The following LY96 variants were observed in gnomAD, a reference collection of about 807,000 sequenced individuals.
The protein encoded by LY96 is myeloid differentiation protein-2.
A neutral mutation model predicts 18.9 loss-of-function variants in LY96; 18 were observed. That is an observed-to-expected ratio of 0.95 (90% CI 0.66 to 1.41). The LOEUF is 1.41. LY96 is among the 40% of genes most tolerant of loss of function. LY96 has a pLI of 0.00. For missense variants in LY96, 175 were observed against 182.4 expected (o/e 0.96, Z 0.23); for synonymous variants, 66 against 62.6 (o/e 1.06, Z -0.26).
chr8:74,096,922 T>C, the LY96 span, among the ~76,000 whole-genome samples: 6 of 152,076 alleles, frequency 3.9e-5, no homozygotes, highest in Non-Finnish European at 7.4e-5. Flanking sequence ...TCCCTGGGGG[T>C]AGTTTCTGGG....
chr8:74,049,627 C>T, the LY96 span, among the ~76,000 whole-genome samples: 5 of 152,208 alleles, frequency 3.3e-5, no homozygotes, highest in Non-Finnish European at 7.3e-5. Flanking sequence ...CAGGGACTTG[C>T]TTGCTGAGGA....
At chr8:74,084,758 C>A in the LY96 span, among the ~76,000 whole-genome samples, 23 of 152,078 alleles carry the variant, frequency 1.5e-4, no homozygotes, top group Admixed American at 1.3e-4. Flanking sequence ...GGATTACAGG[C>A]GCCTGCCACC....
the LY96 span, among the ~76,000 whole-genome samples, chr8:74,062,514 C>A: frequency 6.6e-6 from 1 of 152,064 alleles, no homozygotes; most frequent in Non-Finnish European, 1.5e-5. Flanking sequence ...TTTGTTCCTG[C>A]ATTAGTTTGC....
At chr8:74,055,296 A>ATTAT in the LY96 span, among the ~76,000 whole-genome samples, 38 of 151,164 alleles carry the variant, frequency 2.5e-4, no homozygotes, top group Middle Eastern at 3.4e-3. Context: ...CTGTATGCTA[A>ATTAT]TTATTTATTT....
chr8:74,017,451 G>A (rs1816667973), intron 3 of LY96, among the ~76,000 whole-genome samples: 1 of 152,214 alleles, frequency 6.6e-6, no homozygotes. Flanking sequence ...GTGATGGTGA[G>A]AATGGAACCA....
At chr8:74,077,446 G>A in the LY96 span, among the ~76,000 whole-genome samples, 10 of 152,160 alleles carry the variant, frequency 6.6e-5, no homozygotes, top group Admixed American at 2.0e-4. Context: ...GTAAGATACC[G>A]TCCTTTGTGA....
At chr8:74,010,202 A>C in intron 3 of LY96, 73 bp downstream of exon 3, 1 of 1,404,408 alleles carries the variant, frequency 7.1e-7, no homozygotes, top group Non-Finnish European at 1.0e-6. Context: ...AATTAAATAC[A>C]TTGAAAATGG....
At chr8:74,066,749 G>C in the LY96 span, among the ~76,000 whole-genome samples, 1 of 152,158 alleles carries the variant, frequency 6.6e-6, no homozygotes, top group East Asian at 1.9e-4. Flanking sequence ...AGAGACTGGA[G>C]GCAGGTGGAC....
At chr8:74,034,979 T>C in the LY96 span, among the ~76,000 whole-genome samples, 1 of 152,196 alleles carries the variant, frequency 6.6e-6, no homozygotes, top group East Asian at 1.9e-4. Flanking sequence ...AGGAAGATAA[T>C]TACTGACAGG....
chr8:74,007,155 G>A (rs1008511069), intron 2 of LY96, among the ~76,000 whole-genome samples: 1 of 152,182 alleles, frequency 6.6e-6, no homozygotes, highest in African/African-American at 2.4e-5. Flanking sequence ...TGACAGGCGG[G>A]AGTAGCCTGG....
chr8:74,073,545 G>A, the LY96 span, among the ~76,000 whole-genome samples: 1 of 152,250 alleles, frequency 6.6e-6, no homozygotes, highest in Non-Finnish European at 1.5e-5. Context: ...AGACACTCAA[G>A]TGTAGGTTTA....
chr8:74,016,998 C>G (rs1363037319), intron 3 of LY96, among the ~76,000 whole-genome samples: 1 of 152,164 alleles, frequency 6.6e-6, no homozygotes, highest in Non-Finnish European at 1.5e-5. Context: ...GTCTCTTCTC[C>G]AAAGGATCGC....
intron 3 of LY96, among the ~76,000 whole-genome samples, chr8:74,015,739 C>T (rs1471587688): frequency 6.6e-6 from 1 of 152,136 alleles, no homozygotes; most frequent in Non-Finnish European, 1.5e-5. Context: ...CTAGACTGGA[C>T]CATGAGTGAG....
chr8:74,090,353 T>C, the LY96 span, among the ~76,000 whole-genome samples: 1 of 152,208 alleles, frequency 6.6e-6, no homozygotes, highest in Non-Finnish European at 1.5e-5. Flanking sequence ...TGAATATGTA[T>C]TTAATGAACC....
chr8:74,024,985 C>T (rs1463243297), intron 3 of LY96, among the ~76,000 whole-genome samples: 3 of 152,032 alleles, frequency 2.0e-5, no homozygotes, highest in Non-Finnish European at 2.9e-5. Flanking sequence ...ATGCACCACA[C>T]CCATCTTTCT....
downstream of LY96, among the ~76,000 whole-genome samples, chr8:74,033,155 A>T (rs1816998083): frequency 6.6e-6 from 1 of 152,160 alleles, no homozygotes; most frequent in Non-Finnish European, 1.5e-5. Flanking sequence ...TGGGTTTTAC[A>T]GATGCTTAAT....
chr8:74,051,915 T>G, the LY96 span, among the ~76,000 whole-genome samples: 12 of 152,190 alleles, frequency 7.9e-5, no homozygotes, highest in East Asian at 2.3e-3. Flanking sequence ...GGTTCAATTT[T>G]ACTCCCTAAT....
At chr8:73,992,614 A>G (rs1252922054) in intron 1 of LY96, among the ~76,000 whole-genome samples, 1 of 152,174 alleles carries the variant, frequency 6.6e-6, no homozygotes. Flanking sequence ...GGAAATTGGG[A>G]TAATTGCCAC....
intron 3 of LY96, among the ~76,000 whole-genome samples, chr8:74,020,144 A>T (rs953836363): frequency 2.0e-5 from 3 of 152,204 alleles, no homozygotes; most frequent in Non-Finnish European, 4.4e-5. Flanking sequence ...CTGTTTTCAG[A>T]TGACATGATT....
Sources: gnomAD v4.1 joint callset for allele counts (sites outside exome capture counted in the v4.1 genomes callset) on GRCh38, gnomAD v4.1.1 for gene constraint, MANE v1.5 for transcripts, NCBI Gene and HGNC (gene_info 2026-07-23, HGNC 2026-07-21) for gene names.